The following MMP20 variants were observed in gnomAD, a reference collection of about 807,000 sequenced individuals.
The protein encoded by MMP20 is matrix metallopeptidase 20.
In MMP20, 50 loss-of-function variants were observed where a neutral mutation model predicts 51.8. The observed-to-expected ratio is 0.97, with a 90% CI of 0.77 to 1.22. The LOEUF (loss-of-function observed/expected upper bound fraction) is 1.22, where lower values mean the gene tolerates loss of function less well. Among genes scored for constraint, MMP20 ranks in the 50% most tolerant of loss-of-function variants. The pLI is 0.00. For synonymous variants in MMP20, 244 were observed against 216.2 expected (o/e 1.13, Z -1.13); for missense variants, 663 against 601.4 (o/e 1.10, Z -1.07).
intron 1 of MMP20, among the ~76,000 whole-genome samples, chr11:102,619,503 T>A (rs1266360190): frequency 6.6e-6 from 1 of 152,088 alleles, no homozygotes; most frequent in Admixed American, 6.5e-5. Context: ...AGGGCTGAGA[T>A]GAGGCCAGTG....
chr11:102,621,999 A>G (rs939638023), intron 1 of MMP20, among the ~76,000 whole-genome samples: 1 of 152,234 alleles, frequency 6.6e-6, no homozygotes, highest in Non-Finnish European at 1.5e-5. Flanking sequence ...TCATATTGAC[A>G]CTAATTTTGT....
At chr11:102,595,790 T>G (rs941103944) in intron 6 of MMP20, among the ~76,000 whole-genome samples, 5 of 152,224 alleles carry the variant, frequency 3.3e-5, no homozygotes, top group African/African-American at 9.6e-5. Context: ...AAACTGACAA[T>G]GTAATGTGCT....
chr11:102,620,867 G>A (rs1245381186), intron 1 of MMP20, among the ~76,000 whole-genome samples: 4 of 152,194 alleles, frequency 2.6e-5, no homozygotes, highest in Non-Finnish European at 5.9e-5. Flanking sequence ...GGAATGGGTG[G>A]GTGGCAGATA....
chr11:102,622,618 A>G (rs1859765043), intron 1 of MMP20, among the ~76,000 whole-genome samples: 1 of 152,052 alleles, frequency 6.6e-6, no homozygotes, highest in African/African-American at 2.4e-5. Flanking sequence ...TGTCATCCTG[A>G]TTAACTTCTT....
intron 5 of MMP20, chr11:102,606,928 C>T (rs1416975927): frequency 6.2e-6 from 3 of 485,388 alleles, no homozygotes; most frequent in Non-Finnish European, 1.1e-5. Flanking sequence ...ATAGTACTCA[C>T]CTCAGAAGGC....
chr11:102,593,457 A>C lies in MMP20; in HGVS notation c.1229T>G (p.Val410Gly), dbSNP rs1288239977. ...GCCATACCTGTAGTATTCATCTCCCACAAAGAAAAGGGTCTTCTGTGGCTC... is the reference window on the plus strand; with the variant it reads ...GCCATACCTGTAGTATTCATCTCCCCCAAAGAAAAGGGTCTTCTGTGGCTC... Reference protein sequence around the residue: ...LREPQKTLFFVGDEYYSYDER... With the variant: ...LREPQKTLFFGGDEYYSYDER... Residue 410 changes from valine to glycine, a missense_variant, in exon 8 of 10, where the codon GTG (valine) becomes GGG (glycine). Val to Gly is a moderately radical substitution (Grantham distance 109, BLOSUM62 -3). Coordinates refer to ENST00000260228, the MANE Select transcript of MMP20 (RefSeq NM_004771.4). 6.2e-7 allele frequency: 1 copy of C among 1,614,138 alleles called. No homozygotes were observed. Among genetic ancestry groups the C allele is most frequent in the South Asian group, 1.1e-5 (1 of 91,084 alleles).
In MMP20 at chr11:102,593,376, T is replaced by A. The variant is rs1859340167; in HGVS notation, c.1247+63A>T. On this transcript the variant is annotated intron_variant, in intron 8 of 9. Transcript: ENST00000260228. Reference sequence around the variant, plus strand: ...CTTTGCATTCTTTCGTGGAAGGGTTTTTATCTTTTTAAAATCATTCTCATT... The same window carrying A: ...CTTTGCATTCTTTCGTGGAAGGGTTATTATCTTTTTAAAATCATTCTCATT... 15 of 1,570,742 alleles carry A rather than the reference T, an allele frequency of 9.5e-6. 1 individual carries two copies. In the Admixed American group the frequency reaches 2.1e-4, roughly 22 times the overall value.
chr11:102,616,745 T>C, intron 2 of MMP20, 67 bp downstream of exon 2: 1 of 1,595,500 alleles, frequency 6.3e-7, no homozygotes, highest in South Asian at 1.1e-5. Flanking sequence ...AAAATATTTT[T>C]TCAAGAAAAG....
chr11:102,583,183 A>G (rs771849121), intron 8 of MMP20, among the ~76,000 whole-genome samples: 1 of 152,224 alleles, frequency 6.6e-6, no homozygotes, highest in Non-Finnish European at 1.5e-5. Flanking sequence ...CCATTTATTA[A>G]GGAAATGACC....
chr11:102,584,443 A>G (rs1328335833), intron 8 of MMP20, among the ~76,000 whole-genome samples: 1 of 152,192 alleles, frequency 6.6e-6, no homozygotes, highest in Non-Finnish European at 1.5e-5. Flanking sequence ...AGAAATGGCT[A>G]TTCAGATCCT....
chr11:102,595,088 A>AT (rs1859366404), intron 6 of MMP20, among the ~76,000 whole-genome samples: 1 of 151,768 alleles, frequency 6.6e-6, no homozygotes, highest in Non-Finnish European at 1.5e-5. Flanking sequence ...TGCCTCACTA[A>AT]TTTTTGTACT....
chr11:102,597,248 A>T (rs376607712), intron 6 of MMP20, among the ~76,000 whole-genome samples: 19 of 152,152 alleles, frequency 1.2e-4, no homozygotes, highest in South Asian at 6.2e-4. Flanking sequence ...TCAACAAGCA[A>T]CTCTAGGCAA....
chr11:102,578,943 A>T, intron 9 of MMP20, 96 bp downstream of exon 9: 1 of 860,526 alleles, frequency 1.2e-6, no homozygotes, highest in East Asian at 2.4e-5. Flanking sequence ...AAAACCAAGG[A>T]CTCCCACTTG....
chr11:102,606,683 T>C lies in MMP20; in HGVS notation c.812-7A>G. On this transcript the variant is annotated splice_polypyrimidine_tract_variant and splice_region_variant and intron_variant, in intron 5 of 9. Transcript: ENST00000260228. Reference sequence around the variant, plus strand: ...AGGAATACTTTCCGAGGTCCTAGGATTCAAAATGAGTTGGTCAAAATGGTA... The same window carrying C: ...AGGAATACTTTCCGAGGTCCTAGGACTCAAAATGAGTTGGTCAAAATGGTA... 1 of 1,613,906 alleles carries C rather than the reference T, an allele frequency of 6.2e-7. No homozygotes were observed. Among genetic ancestry groups the C allele is most frequent in the Non-Finnish European group, 8.5e-7 (1 of 1,179,878 alleles).
intron 8 of MMP20, among the ~76,000 whole-genome samples, chr11:102,582,243 T>C (rs574609579): frequency 7.9e-5 from 12 of 152,346 alleles, no homozygotes; most frequent in African/African-American, 2.4e-4. Context: ...TTTGGTGTTT[T>C]GATTGTGCTG....
rs1859163817 is a variant in MMP20 at position 102,579,142 on chromosome 11, G to A, written c.1248C>T (p.Ser416=). ...CCATTTTCCTTTTCCTTTCGTCGTA[G>A]CTAGAAAAAGTATTATTTCATAAAT... is the stretch of plus-strand genomic sequence containing the variant. ...TLFFVGDEYY[S]YDERKRKMEK... is the part of the protein sequence containing the mutation. Residue 416 remains serine, a splice_region_variant and synonymous_variant, in exon 9 of 10, where the codon AGC becomes AGT. Coordinates refer to ENST00000260228, the MANE Select transcript of MMP20 (RefSeq NM_004771.4). The A allele has an allele frequency of 1.3e-6, 2 of 1,597,838 alleles. No individual in the cohort carries two copies. Among genetic ancestry groups the A allele is most frequent in the Non-Finnish European group, 1.7e-6 (2 of 1,165,708 alleles).
intron 8 of MMP20, among the ~76,000 whole-genome samples, chr11:102,591,929 C>G (rs1451580491): frequency 6.6e-6 from 1 of 152,162 alleles, no homozygotes; most frequent in Non-Finnish European, 1.5e-5. Context: ...GACCAAAGAT[C>G]AGGTGATAAA....
chr11:102,597,739 A>C (rs1768529720), intron 6 of MMP20, among the ~76,000 whole-genome samples: 1 of 152,232 alleles, frequency 6.6e-6, no homozygotes, highest in African/African-American at 2.4e-5. Flanking sequence ...AATGCTATCC[A>C]TCACTTATAT....
Position 102,577,440 on chromosome 11 carries a change from A to G in MMP20, c.1352-14T>C, listed in dbSNP as rs766426055. On this transcript the variant is annotated splice_polypyrimidine_tract_variant and intron_variant, in intron 9 of 9. Transcript: ENST00000260228. Reference sequence around the variant, plus strand: ...AGTAAATGTAGCCTAAAAGAGACAAAGTTGAAATTGGGTTACTGAAGATGT... The same window carrying G: ...AGTAAATGTAGCCTAAAAGAGACAAGGTTGAAATTGGGTTACTGAAGATGT... 1 of 1,580,046 alleles carries G rather than the reference A, an allele frequency of 6.3e-7. No homozygotes were observed. Among genetic ancestry groups the G allele is most frequent in the South Asian group, 1.1e-5 (1 of 90,330 alleles).
Sources: gnomAD v4.1 joint callset for allele counts (sites outside exome capture counted in the v4.1 genomes callset) on GRCh38, gnomAD v4.1.1 for gene constraint, MANE v1.5 for transcripts, NCBI Gene and HGNC (gene_info 2026-07-23, HGNC 2026-07-21) for gene names.